POU6F2: variants seen among roughly 807,000 people sequenced by gnomAD.
POU6F2 encodes the protein POU domain, class 6, transcription factor 2.
POU6F2 carries 31 observed loss-of-function variants against 71.3 expected under a neutral mutation model. That is an observed-to-expected ratio of 0.43 (90% CI 0.33 to 0.59). The LOEUF (loss-of-function observed/expected upper bound fraction) is 0.59. Among genes scored for constraint, POU6F2 ranks in the 20% least tolerant of loss-of-function variants. The pLI is 0.04. For synonymous variants in POU6F2, 347 were observed against 355.7 expected, an observed-to-expected ratio of 0.98 and a Z score of 0.27; for missense variants, 783 against 856.8, an observed-to-expected ratio of 0.91 and a Z score of 1.07.
At chr7:39,396,949 A>G (rs576698838) in intron 5 of POU6F2, among the ~76,000 whole-genome samples, 1 of 151,866 alleles carries the variant, frequency 6.6e-6, no homozygotes, top group African/African-American at 2.4e-5. Flanking sequence ...CAGCTCCCAA[A>G]TAACCTCAAA....
intron 2 of POU6F2, among the ~76,000 whole-genome samples, chr7:39,136,827 TA>T (rs112051805): frequency 2.2e-3 from 305 of 136,404 alleles, no homozygotes; most frequent in Admixed American, 2.6e-3. Flanking sequence ...GATCCCATCT[TA>T]AAAAAAAAAA....
At chr7:39,194,837 G>A (rs866867604) in intron 2 of POU6F2, among the ~76,000 whole-genome samples, 6 of 152,290 alleles carry the variant, frequency 3.9e-5, no homozygotes, top group Middle Eastern at 6.8e-3. Flanking sequence ...CCCCCCCGGG[G>A]AGGAAGAAGC....
chr7:39,311,197 A>C (rs1785157605), intron 4 of POU6F2, among the ~76,000 whole-genome samples: 1 of 152,040 alleles, frequency 6.6e-6, no homozygotes, highest in African/African-American at 2.4e-5. Context: ...AGGAAAAAAA[A>C]AGTTCAAGGA....
chr7:39,203,064 G>T (rs1793940244), intron 2 of POU6F2, among the ~76,000 whole-genome samples: 1 of 152,190 alleles, frequency 6.6e-6, no homozygotes, highest in East Asian at 1.9e-4. Context: ...GAAGTCAATT[G>T]AATAATATGT....
In POU6F2 at chr7:39,451,487, T is replaced by A. The variant is rs778988526; in HGVS notation, c.1321-46T>A. 3.3e-6 allele frequency: 5 copies of A among 1,535,022 alleles called. No homozygotes were observed. In the East Asian group the frequency reaches 1.2e-4, roughly 36 times the overall value. On this transcript the variant is annotated intron_variant, in intron 7 of 9. Coordinates refer to ENST00000518318, the MANE Select transcript of POU6F2 (RefSeq NM_001370959.1). ...CTTCTGTTCCCTGGCATTTTTCCCC[T>A]AATTTTTCATTCATTTGTGTATTTT...
intron 6 of POU6F2, among the ~76,000 whole-genome samples, chr7:39,414,822 A>G (rs1787639125): frequency 6.6e-6 from 1 of 150,928 alleles, no homozygotes; most frequent in Non-Finnish European, 1.5e-5. Context: ...CTCCTTCCCC[A>G]GCAAAACTCA....
At chr7:39,241,025 C>T (rs1783715527) in intron 4 of POU6F2, among the ~76,000 whole-genome samples, 1 of 152,158 alleles carries the variant, frequency 6.6e-6, no homozygotes, top group Non-Finnish European at 1.5e-5. Flanking sequence ...GCTGACTCAC[C>T]TTGTGGTTGC....
intron 2 of POU6F2, among the ~76,000 whole-genome samples, chr7:39,168,737 A>G (rs898049445): frequency 1.3e-5 from 2 of 152,184 alleles, no homozygotes; most frequent in African/African-American, 4.8e-5. Flanking sequence ...AGAGTTGTTA[A>G]CACAATAGAA....
At chr7:39,178,071 C>T (rs113377586) in intron 2 of POU6F2, among the ~76,000 whole-genome samples, 2,624 of 152,080 alleles carry the variant, frequency 0.017, 64 homozygotes, top group African/African-American at 0.06. Context: ...CTGGCCAAGA[C>T]GGTGAACCAC....
chr7:39,030,789 A>G (rs1025716144), intron 1 of POU6F2, among the ~76,000 whole-genome samples: 1 of 151,776 alleles, frequency 6.6e-6, no homozygotes, highest in African/African-American at 2.4e-5. Context: ...GTCTTCCCAA[A>G]GGGACTGTAC....
intron 6 of POU6F2, among the ~76,000 whole-genome samples, chr7:39,416,085 C>T (rs1485211233): frequency 2.3e-5 from 3 of 132,484 alleles, no homozygotes; most frequent in East Asian, 2.2e-4. Flanking sequence ...AGATTTCTCT[C>T]GAAGGCATAC....
In POU6F2 at chr7:39,019,649, C is replaced by CTT. The variant is rs70977448; in HGVS notation, c.105+41605_105+41606dup. Among the ~76,000 whole-genome samples, 1,008 of 137,798 alleles carry CTT rather than the reference C, an allele frequency of 7.3e-3. 11 individuals carry two copies. Among genetic ancestry groups the CTT allele is most frequent in the African/African-American group, 0.025 (954 of 37,412 alleles). The allele number at this position is 137,798 out of a possible 152,430, so 90.4% of individuals were successfully genotyped here. A position where few individuals can be genotyped will look rare whatever the true frequency, so the allele number is the denominator to read the frequency against. Reference sequence around the variant, plus strand: ...ATCTTTTGCATTTTCTTTCTTTTTTCTTTTTTTTTTTTTTTAAGATTCTGG... The same window carrying CTT: ...ATCTTTTGCATTTTCTTTCTTTTTTCTTTTTTTTTTTTTTTTTAAGATTCTGG... On this transcript the variant is annotated intron_variant, in intron 1 of 9. Transcript: ENST00000518318.
chr7:39,057,554 A>G (rs1436485318), intron 1 of POU6F2, among the ~76,000 whole-genome samples: 1 of 152,118 alleles, frequency 6.6e-6, no homozygotes, highest in Non-Finnish European at 1.5e-5. Flanking sequence ...CTAATTGTTT[A>G]TAATGTTTTC....
At chr7:39,066,937 A>C (rs1790766939) in intron 1 of POU6F2, among the ~76,000 whole-genome samples, 2 of 148,014 alleles carry the variant, frequency 1.4e-5, no homozygotes, top group South Asian at 4.2e-4. Context: ...TTAATATAAC[A>C]GAAATATACC....
At chr7:39,367,581 TA>T (rs1179282680) in intron 5 of POU6F2, among the ~76,000 whole-genome samples, 1 of 152,232 alleles carries the variant, frequency 6.6e-6, no homozygotes, top group Non-Finnish European at 1.5e-5. Flanking sequence ...ATCATAGTAA[TA>T]AAAATCTTCT....
chr7:39,413,628 T>C (rs188276746), intron 6 of POU6F2, among the ~76,000 whole-genome samples: 29 of 152,314 alleles, frequency 1.9e-4, no homozygotes, highest in African/African-American at 6.7e-4. Context: ...TTTTAAAAGG[T>C]GTAAAAATTA....
At chr7:39,427,546 GTTC>G (rs894813083) in intron 6 of POU6F2, among the ~76,000 whole-genome samples, 5 of 152,126 alleles carry the variant, frequency 3.3e-5, no homozygotes, top group Admixed American at 6.5e-5. Context: ...ACACCTCCAA[GTTC>G]TTTACTCTTG....
chr7:39,166,566 CCTGA>C (rs1201846072), intron 2 of POU6F2, among the ~76,000 whole-genome samples: 4 of 152,072 alleles, frequency 2.6e-5, no homozygotes, highest in Admixed American at 1.3e-4. Flanking sequence ...CAAGTGTCAG[CCTGA>C]CTGTTATCTG....
At chr7:39,288,734 T>C (rs1360126365) in intron 4 of POU6F2, among the ~76,000 whole-genome samples, 1 of 152,152 alleles carries the variant, frequency 6.6e-6, no homozygotes, top group African/African-American at 2.4e-5. Context: ...GGTACTTCAT[T>C]GAATCAGAGT....
Sources: gnomAD v4.1 joint callset for allele counts (sites outside exome capture counted in the v4.1 genomes callset) on GRCh38, gnomAD v4.1.1 for gene constraint, MANE v1.5 for transcripts, NCBI Gene and HGNC (gene_info 2026-07-23, HGNC 2026-07-21) for gene names.